Variants in TAOK3 observed in about 807,000 individuals in gnomAD.
TAOK3 encodes TAO kinase 3.
A neutral mutation model predicts 120.4 loss-of-function variants in TAOK3; 40 were observed. That is an observed-to-expected ratio of 0.33 (90% CI 0.26 to 0.43). The LOEUF (loss-of-function observed/expected upper bound fraction) is 0.43, where lower values mean the gene tolerates loss of function less well. TAOK3 is among the 20% of genes least tolerant of loss of function. TAOK3 has a pLI of 1.00. For missense variants in TAOK3, 821 were observed against 1,112.1 expected (o/e 0.74, Z 3.72); for synonymous variants, 355 against 387.5 (o/e 0.92, Z 0.99).
rs79886851 is a variant in TAOK3, at chr12:118,178,923, G to T, written c.1567-1594C>A. Among the ~76,000 whole-genome samples the T allele has an allele frequency of 2.9e-3, 437 of 152,260 alleles. 4 individuals are homozygous for T. The highest frequency in any genetic ancestry group is 9.7e-3 in the African/African-American group (401 of 41,546). On this transcript the variant is annotated intron_variant, in intron 15 of 20. Transcript: ENST00000392533. ...GGTGAAGGATATACGTAAGACGAGCGACTTGGGAGATAGAGGGGGAATTAT... is the reference window on the plus strand; with the variant it reads ...GGTGAAGGATATACGTAAGACGAGCTACTTGGGAGATAGAGGGGGAATTAT...
At chr12:118,254,693 CT>C (rs2040904985) in intron 3 of TAOK3, among the ~76,000 whole-genome samples, 1 of 151,950 alleles carries the variant, frequency 6.6e-6, no homozygotes, top group African/African-American at 2.4e-5. Flanking sequence ...ACATATAAGG[CT>C]CTGAGGCAGG....
intron 1 of TAOK3, among the ~76,000 whole-genome samples, chr12:118,331,411 G>A (rs1179466763): frequency 3.3e-5 from 5 of 152,058 alleles, no homozygotes; most frequent in Non-Finnish European, 1.5e-5. Context: ...TTGGGAGGCC[G>A]AGGTAGGTGG....
intron 3 of TAOK3, among the ~76,000 whole-genome samples, chr12:118,250,394 A>G (rs2140097178): frequency 6.6e-6 from 1 of 152,344 alleles, no homozygotes; most frequent in East Asian, 1.9e-4. Flanking sequence ...GTTCCAGCTT[A>G]CAATTCACAC....
chr12:118,336,668 C>T (rs1383602944), intron 1 of TAOK3, among the ~76,000 whole-genome samples: 2 of 152,062 alleles, frequency 1.3e-5, no homozygotes, highest in Admixed American at 6.6e-5. Flanking sequence ...ATGCAAGCTA[C>T]AGACAGAAAG....
intron 1 of TAOK3, among the ~76,000 whole-genome samples, chr12:118,271,141 A>AAAC (rs2041683930): frequency 6.6e-6 from 1 of 152,210 alleles, no homozygotes; most frequent in Non-Finnish European, 1.5e-5. Context: ...TAAAAAATAA[A>AAAC]AACAGTGTTA....
At chr12:118,179,818 G>C (rs920822092) in intron 15 of TAOK3, among the ~76,000 whole-genome samples, 35 of 148,216 alleles carry the variant, frequency 2.4e-4, no homozygotes, top group Non-Finnish European at 4.0e-4. Context: ...CTAATTTTTT[G>C]TATTTTTAGT....
chr12:118,193,049 G>GTTTTT lies in TAOK3; in HGVS notation c.1195-3113_1195-3109dup, dbSNP rs11380296. Among the ~76,000 whole-genome samples, 762 of 107,322 alleles carry GTTTTT rather than the reference G, an allele frequency of 7.1e-3. 13 individuals carry two copies. Among genetic ancestry groups the GTTTTT allele is most frequent in the Non-Finnish European group, 8.9e-3 (503 of 56,636 alleles). 70.4% of individuals were successfully genotyped at this position (107,322 alleles called of 152,430 possible). On this transcript the variant is annotated intron_variant, in intron 13 of 20. Coordinates refer to ENST00000392533, the MANE Select transcript of TAOK3 (RefSeq NM_016281.4). The stretch of plus-strand genomic sequence containing the variant: ...AACCTGGTAAACTTACCACGTTGTT[G>GTTTTT]TTTTTTTTTTTTTTTTTTTTTGAGA...
chr12:118,151,090 T>C lies in TAOK3; in HGVS notation c.2604A>G (p.Gln868=). Residue 868 remains glutamine (Q), a synonymous_variant, in exon 21 of 21, where the codon CAA becomes CAG. Coordinates refer to ENST00000392533, the MANE Select transcript of TAOK3 (RefSeq NM_016281.4). ...TGTCAAAAGTTTCAATCTCTCGCTC[T>C]TGCCTTTCCAATAGGTTCTTTATTC... ...SERIKNLLER[Q]EREIETFDME... The C allele has an allele frequency of 6.2e-7, 1 of 1,614,080 alleles. No individual in the cohort carries two copies. Among genetic ancestry groups the C allele is most frequent in the Non-Finnish European group, 8.5e-7 (1 of 1,180,028 alleles).
At chr12:118,283,424 T>C (rs970870507) in intron 1 of TAOK3, among the ~76,000 whole-genome samples, 4 of 152,134 alleles carry the variant, frequency 2.6e-5, no homozygotes, top group Non-Finnish European at 5.9e-5. Flanking sequence ...AGTATTTTGA[T>C]TGTTCTGTAA....
chr12:118,257,280 G>A (rs1280430386), intron 2 of TAOK3, among the ~76,000 whole-genome samples: 7 of 152,122 alleles, frequency 4.6e-5, no homozygotes, highest in Non-Finnish European at 1.0e-4. Context: ...CTATCACATG[G>A]AGGCTAGGTT....
chr12:118,321,497 C>T (rs1177165818), intron 1 of TAOK3, among the ~76,000 whole-genome samples: 1 of 152,130 alleles, frequency 6.6e-6, no homozygotes, highest in African/African-American at 2.4e-5. Context: ...TGGGCTCAAG[C>T]AATCCTCCTA....
chr12:118,313,475 C>T (rs891705171), intron 1 of TAOK3, among the ~76,000 whole-genome samples: 2 of 152,112 alleles, frequency 1.3e-5, no homozygotes, highest in Non-Finnish European at 2.9e-5. Flanking sequence ...TGAGGTTTCA[C>T]CACATTGGCC....
At chr12:118,176,010 G>A (rs2036301469) in intron 16 of TAOK3, among the ~76,000 whole-genome samples, 1 of 152,202 alleles carries the variant, frequency 6.6e-6, no homozygotes, top group African/African-American at 2.4e-5. Context: ...CCAGTTAGTA[G>A]AGTAAGTAGC....
At chr12:118,151,289 G>GCGCACACACACACACA (rs1214641528) in intron 20 of TAOK3, 131 bp from the exon 21 acceptor site, 14 of 253,122 alleles carry the variant, frequency 5.5e-5, no homozygotes, top group East Asian at 2.9e-4. Flanking sequence ...GCGCGCGCGC[G>GCGCACACACACACACA]CACACACACA....
At chr12:118,185,565 A>G (rs2037023792) in intron 14 of TAOK3, among the ~76,000 whole-genome samples, 1 of 152,228 alleles carries the variant, frequency 6.6e-6, no homozygotes, top group Admixed American at 6.5e-5. Context: ...AAAAGAATAC[A>G]GTGAGTCACA....
chr12:118,229,518 T>C (rs959676599), intron 9 of TAOK3, among the ~76,000 whole-genome samples: 23 of 152,358 alleles, frequency 1.5e-4, no homozygotes, highest in African/African-American at 5.3e-4. Context: ...TTTTAATGTT[T>C]GTGCTTTACA....
chr12:118,192,050 C>T (rs924540766), intron 13 of TAOK3, among the ~76,000 whole-genome samples: 2 of 152,164 alleles, frequency 1.3e-5, no homozygotes, highest in African/African-American at 2.4e-5. Flanking sequence ...ACATTCTCCA[C>T]AGGGCAGACC....
intron 3 of TAOK3, among the ~76,000 whole-genome samples, chr12:118,250,243 G>A (rs1437995045): frequency 1.3e-5 from 2 of 151,988 alleles, no homozygotes; most frequent in African/African-American, 4.8e-5. Context: ...TTACATGTGT[G>A]AGCCACCACG....
intron 5 of TAOK3, 33 bp downstream of exon 5, chr12:118,243,382 A>G (rs371917969): frequency 3.2e-5 from 37 of 1,140,472 alleles, no homozygotes; most frequent in Non-Finnish European, 4.2e-5. Context: ...AAAAAATGTA[A>G]TAGTAAAAGA....
Sources: allele counts gnomAD v4.1 joint callset (sites outside exome capture counted in the v4.1 genomes callset), GRCh38; gene constraint gnomAD v4.1.1; transcripts MANE v1.5; gene names NCBI Gene and HGNC (gene_info 2026-07-23, HGNC 2026-07-21).